CENPI: variants seen among roughly 807,000 people sequenced by gnomAD.
CENPI encodes the protein centromere protein I.
In CENPI, 4 loss-of-function variants were observed where a neutral mutation model predicts 60.4. The observed-to-expected ratio is 0.07, with a 90% CI of 0.03 to 0.15. CENPI has a LOEUF of 0.15. Among genes scored for constraint, CENPI ranks in the 10% least tolerant of loss-of-function variants. CENPI has a pLI of 1.00. For missense variants in CENPI, 444 were observed against 534.5 expected, an observed-to-expected ratio of 0.83 and a Z score of 1.67; for synonymous variants, 157 against 189.4, an observed-to-expected ratio of 0.83 and a Z score of 1.40.
chrX:101,104,349 G>T (rs1190907604), intron 4 of CENPI, among the ~76,000 whole-genome samples: 1 of 112,329 alleles, frequency 8.9e-6, no homozygotes, highest in Non-Finnish European at 1.9e-5. Context: ...GTTGGAAGAG[G>T]TTCTTAGAAA....
intron 10 of CENPI, 73 bp downstream of exon 10, chrX:101,127,339 A>G (rs2148189728): frequency 1.9e-6 from 2 of 1,033,051 alleles, no homozygotes; most frequent in East Asian, 3.1e-5. Flanking sequence ...TTCAGATCTT[A>G]GAGGAGATTA....
At chrX:101,113,172 CTCT>C (rs1204612359) in intron 6 of CENPI, among the ~76,000 whole-genome samples, 2 of 107,358 alleles carry the variant, frequency 1.9e-5, no homozygotes, top group Non-Finnish European at 3.8e-5. Flanking sequence ...TCTTTTTTTT[CTCT>C]TCTTGTCATA....
intron 20 of CENPI, among the ~76,000 whole-genome samples, chrX:101,160,555 A>AT (rs201725459): frequency 3.6e-3 from 379 of 104,292 alleles, no homozygotes; most frequent in African/African-American, 0.012. Context: ...TAATTTTTGT[A>AT]TTTTTTTTTG....
At chrX:101,174,837 G>A in the CENPI span, among the ~76,000 whole-genome samples, 1 of 111,788 alleles carries the variant, frequency 8.9e-6, no homozygotes, top group East Asian at 2.8e-4. Flanking sequence ...GCCAGGCCCG[G>A]TGGCTCACAC....
chrX:101,168,833 C>T (rs929158960), downstream of CENPI, among the ~76,000 whole-genome samples: 1 of 111,610 alleles, frequency 9.0e-6, no homozygotes, highest in African/African-American at 3.3e-5. Flanking sequence ...TAGAGAGTAT[C>T]GTTATCCAGA....
chrX:101,115,224 A>G (rs1399374773), intron 6 of CENPI, among the ~76,000 whole-genome samples: 1 of 109,745 alleles, frequency 9.1e-6, no homozygotes, highest in Non-Finnish European at 1.9e-5. Flanking sequence ...TTGGCCTCCC[A>G]AAGTGTTAGT....
At chrX:101,170,029 T>C (rs1175692303), downstream of CENPI, among the ~76,000 whole-genome samples, 1 of 111,925 alleles carries the variant, frequency 8.9e-6, no homozygotes, top group East Asian at 2.8e-4. Context: ...GAAAAGCTTT[T>C]TATAGATTTA....
intron 11 of CENPI, 110 bp from the exon 12 acceptor site, chrX:101,128,606 A>T: frequency 1.3e-6 from 1 of 776,124 alleles, no homozygotes; most frequent in Non-Finnish European, 1.9e-6. Context: ...TTGGGATTAT[A>T]GGCATGAGCC....
chrX:101,152,697 C>T (rs987771723), intron 20 of CENPI, among the ~76,000 whole-genome samples: 2 of 111,097 alleles, frequency 1.8e-5, no homozygotes, highest in African/African-American at 6.5e-5. Context: ...CCACAGTGCC[C>T]GGACTGGCTT....
chrX:101,101,268 G>A lies in CENPI; in HGVS notation c.198G>A (p.Leu66=), dbSNP rs756908912. 1 of 1,198,312 alleles carries A rather than the reference G, an allele frequency of 8.3e-7. No homozygotes were observed. Among genetic ancestry groups the A allele is most frequent in the East Asian group, 3.0e-5 (1 of 33,787 alleles). ...HADDQAEEDA[L]QMAVGYFEKG... Reference sequence around the variant, plus strand: ...ATGATCAAGCTGAAGAAGATGCTTTGCAAATGGCAGTGGGATATTTTGAGA... The same window carrying A: ...ATGATCAAGCTGAAGAAGATGCTTTACAAATGGCAGTGGGATATTTTGAGA... The change falls in exon 3 of 22, where the codon TTG becomes TTA. Residue 66 remains leucine, a synonymous_variant. Transcript: ENST00000682095.
At chrX:101,135,727 T>C (rs772809360) in intron 15 of CENPI, among the ~76,000 whole-genome samples, 1 of 109,165 alleles carries the variant, frequency 9.2e-6, no homozygotes, top group African/African-American at 3.3e-5. Context: ...TATATTATGG[T>C]TTTTTTTTTC....
intron 20 of CENPI, among the ~76,000 whole-genome samples, chrX:101,156,962 T>A (rs1036143677): frequency 9.0e-6 from 1 of 111,533 alleles, no homozygotes; most frequent in African/African-American, 3.3e-5. Context: ...GCTATAAACA[T>A]GCATGCACAA....
Position 101,126,698 on chromosome X carries a change from T to C in CENPI, c.688-11T>C, listed in dbSNP as rs771142954. 1.7e-6 allele frequency: 2 copies of C among 1,187,421 alleles called. No homozygotes were observed. The highest frequency in any genetic ancestry group is 1.8e-5 in the African/African-American group (1 of 56,868). ...CACAGAATTGAAAATGGAAAACTTA[T>C]TTTATTTCAGGGAATGCAGCCTCAT... On this transcript the variant is annotated splice_polypyrimidine_tract_variant and intron_variant, in intron 8 of 21. Coordinates refer to ENST00000682095, the MANE Select transcript of CENPI (RefSeq NM_001386188.2).
intron 20 of CENPI, among the ~76,000 whole-genome samples, chrX:101,161,109 T>G (rs921050651): frequency 5.3e-5 from 6 of 112,474 alleles, no homozygotes; most frequent in Non-Finnish European, 7.5e-5. Context: ...CTGAAACAAC[T>G]ATTTTAATCA....
At chrX:101,176,810 G>T in the CENPI span, among the ~76,000 whole-genome samples, 2 of 112,608 alleles carry the variant, frequency 1.8e-5, no homozygotes, top group African/African-American at 3.2e-5. Flanking sequence ...CTGTGCTTTC[G>T]AGGTCTTAGC....
At chrX:101,139,921 T>A (rs1465483230) in intron 15 of CENPI, among the ~76,000 whole-genome samples, 4 of 108,337 alleles carry the variant, frequency 3.7e-5, no homozygotes, top group Non-Finnish European at 7.6e-5. Context: ...TGCAAGCTCC[T>A]TCTCCTGGGT....
rs2090141161 is a variant in CENPI, at chrX:101,165,618, CTT to C, written c.*2653_*2654del. Among the ~76,000 whole-genome samples, 1 of 111,363 alleles carries C rather than the reference CTT, an allele frequency of 9.0e-6. No homozygotes were observed. The highest frequency in any genetic ancestry group is 3.3e-5 in the African/African-American group (1 of 30,690). On this transcript the variant is annotated 3_prime_UTR_variant, in exon 22 of 22. Coordinates refer to ENST00000682095, the MANE Select transcript of CENPI (RefSeq NM_001386188.2). ...GGGAGTCATTAGGGAATAACCATGA[CTT>C]TGGATGAGATCACCTAGTACAGCTA...
intron 6 of CENPI, among the ~76,000 whole-genome samples, chrX:101,118,454 C>A (rs1229635713): frequency 8.9e-6 from 1 of 112,170 alleles, no homozygotes; most frequent in African/African-American, 3.2e-5. Context: ...TGTGTTTAAA[C>A]ATACTTTGTA....
intron 4 of CENPI, among the ~76,000 whole-genome samples, chrX:101,108,939 G>C (rs1569498040): frequency 4.5e-5 from 5 of 111,169 alleles, no homozygotes; most frequent in South Asian, 3.7e-4. Context: ...GAGCCACTGT[G>C]CCTAACTATT....
Sources: allele counts gnomAD v4.1 joint callset (sites outside exome capture counted in the v4.1 genomes callset), GRCh38; gene constraint gnomAD v4.1.1; transcripts MANE v1.5; gene names NCBI Gene and HGNC (gene_info 2026-07-23, HGNC 2026-07-21).